Variants in RBFOX1 observed in about 807,000 individuals in gnomAD.
RBFOX1 encodes RNA binding protein fox-1 homolog 1.
Under a neutral mutation model 57.7 loss-of-function variants are expected in RBFOX1, and 8 were observed. The ratio of observed to expected loss-of-function variants is 0.14; its 90% CI spans 0.08 to 0.25. The LOEUF is 0.25. RBFOX1 is among the 10% of genes least tolerant of loss of function. RBFOX1 has a pLI of 1.00. For missense variants in RBFOX1, 611 were observed against 548.5 expected (o/e 1.11, Z -1.14); for synonymous variants, 326 against 222.4 (o/e 1.47, Z -4.15).
chr16:7,535,836 T>G (rs1216251523), intron 5 of RBFOX1, among the ~76,000 whole-genome samples: 1 of 152,238 alleles, frequency 6.6e-6, no homozygotes, highest in Non-Finnish European at 1.5e-5. Context: ...TTCATCACTT[T>G]TATTCTCAGT....
chr16:6,227,293 T>C (rs2097425252), intron 1 of RBFOX1, among the ~76,000 whole-genome samples: 1 of 151,994 alleles, frequency 6.6e-6, no homozygotes, highest in East Asian at 1.9e-4. Flanking sequence ...TAAAACGGAG[T>C]CTAAGAATTT....
At chr16:6,036,750 G>A (rs1276912179) in intron 1 of RBFOX1, among the ~76,000 whole-genome samples, 1 of 152,176 alleles carries the variant, frequency 6.6e-6, no homozygotes, top group Non-Finnish European at 1.5e-5. Flanking sequence ...GGAGGCACCA[G>A]TGAACTTCAA....
At chr16:6,269,560 A>G (rs575138825) in intron 1 of RBFOX1, among the ~76,000 whole-genome samples, 2 of 152,348 alleles carry the variant, frequency 1.3e-5, no homozygotes, top group African/African-American at 4.8e-5. Context: ...ATCAGAAGCC[A>G]CAGAGTCAAA....
In RBFOX1 at chr16:5,353,748, T is replaced by C. The variant is rs114545048; in HGVS notation, c.220-113468T>C. Among the ~76,000 whole-genome samples the C allele has an allele frequency of 5.7e-3, 803 of 140,174 alleles. 6 individuals are homozygous for C. The highest frequency in any genetic ancestry group is 0.019 in the African/African-American group (760 of 39,554). The allele number at this position is 140,174 out of a possible 152,430, so 92.0% of individuals were successfully genotyped here. Reference sequence around the variant, plus strand: ...GAGGAAAAAAAAAAAAACCTCGCCATGCCCTGTGAGACACTGCCGAGTGCT... The same window carrying C: ...GAGGAAAAAAAAAAAAACCTCGCCACGCCCTGTGAGACACTGCCGAGTGCT... On this transcript the variant is annotated intron_variant, in intron 1 of 2. Transcript: ENST00000585867.
chr16:5,906,554 G>A (rs911564558), intron 4 of RBFOX1, among the ~76,000 whole-genome samples: 1 of 152,004 alleles, frequency 6.6e-6, no homozygotes, highest in African/African-American at 2.4e-5. Context: ...CCTGTCTGCA[G>A]GACTTTATTA....
chr16:5,467,362 A>T, intron 2 of RBFOX1: 1 of 1,089,276 alleles, frequency 9.2e-7, no homozygotes, highest in East Asian at 2.6e-5. Flanking sequence ...CCCAGGGCAG[A>T]CATCTGTAAT....
At chr16:6,126,019 A>C (rs1306695902) in intron 1 of RBFOX1, among the ~76,000 whole-genome samples, 1 of 152,216 alleles carries the variant, frequency 6.6e-6, no homozygotes, top group Non-Finnish European at 1.5e-5. Context: ...TGTCTTATTA[A>C]CAACTTTAAC....
At chr16:5,816,317 G>A (rs73512585) in intron 3 of RBFOX1, among the ~76,000 whole-genome samples, 4,772 of 152,138 alleles carry the variant, frequency 0.031, 206 homozygotes, top group African/African-American at 0.1. Context: ...GCCAGTACCC[G>A]TCAATTACAA....
intron 1 of RBFOX1, among the ~76,000 whole-genome samples, chr16:6,309,288 A>C (rs929369867): frequency 1.3e-5 from 2 of 152,072 alleles, no homozygotes; most frequent in Non-Finnish European, 2.9e-5. Flanking sequence ...GTTCAAATGC[A>C]ATTTCTCTGA....
Position 5,799,377 on chromosome 16 carries a change from C to T in RBFOX1, c.319-67926C>T, listed in dbSNP as rs531600725. Among the ~76,000 whole-genome samples the T allele has an allele frequency of 3.9e-5, 6 of 152,176 alleles. No individual in the cohort carries two copies. The East Asian group carries it at 1.2e-3, about 29-fold the overall frequency. ...TATCAAGGGAGGTTTGTAAAAGCAA[C>T]CTCATTGGTCTGTGGAGAAGATGAC... On this transcript the variant is annotated intron_variant, in intron 3 of 19. Coordinates refer to the RBFOX1 transcript ENST00000641259.
At chr16:5,739,522 T>C (rs77526004) in intron 3 of RBFOX1, among the ~76,000 whole-genome samples, 1 of 152,228 alleles carries the variant, frequency 6.6e-6, no homozygotes, top group Non-Finnish European at 1.5e-5. Flanking sequence ...CATGGGGTCA[T>C]TTGCAAAATA....
At chr16:6,956,627 C>T (rs888318530) in intron 3 of RBFOX1, among the ~76,000 whole-genome samples, 1 of 152,214 alleles carries the variant, frequency 6.6e-6, no homozygotes, top group African/African-American at 2.4e-5. Flanking sequence ...AGCCCGTCTT[C>T]CCTTCTTGTG....
intron 3 of RBFOX1, among the ~76,000 whole-genome samples, chr16:6,720,152 C>T (rs1282085477): frequency 6.6e-6 from 1 of 151,832 alleles, no homozygotes; most frequent in Admixed American, 6.6e-5. Context: ...GCATGCTTAG[C>T]AAAATATCTG....
At chr16:5,713,828 T>C (rs1230156417) in intron 3 of RBFOX1, among the ~76,000 whole-genome samples, 1 of 152,162 alleles carries the variant, frequency 6.6e-6, no homozygotes, top group East Asian at 1.9e-4. Context: ...CTTGACCATG[T>C]AGACAGTGAA....
chr16:5,597,109 C>T (rs536875684), intron 2 of RBFOX1, among the ~76,000 whole-genome samples: 22 of 152,300 alleles, frequency 1.4e-4, no homozygotes, highest in Non-Finnish European at 2.6e-4. Context: ...GTGGGTGGGT[C>T]TGAGTAATTC....
At chr16:7,548,766 G>A (rs1291237537) in intron 5 of RBFOX1, among the ~76,000 whole-genome samples, 2 of 152,196 alleles carry the variant, frequency 1.3e-5, no homozygotes, top group Admixed American at 6.5e-5. Context: ...AGGCCGCCAT[G>A]TTTGCCTCTG....
At chr16:6,784,793 T>A (rs984275232) in intron 3 of RBFOX1, among the ~76,000 whole-genome samples, 1 of 152,150 alleles carries the variant, frequency 6.6e-6, no homozygotes, top group South Asian at 2.1e-4. Flanking sequence ...TGGAATTTTC[T>A]ATTTAGCCAT....
At chr16:6,788,622 C>T (rs1384668837) in intron 3 of RBFOX1, among the ~76,000 whole-genome samples, 1 of 151,884 alleles carries the variant, frequency 6.6e-6, no homozygotes, top group African/African-American at 2.4e-5. Context: ...ACTACAGGTG[C>T]CTACGACCAT....
At chr16:5,988,824 T>G (rs899623343) in intron 4 of RBFOX1, among the ~76,000 whole-genome samples, 1 of 152,078 alleles carries the variant, frequency 6.6e-6, no homozygotes, top group African/African-American at 2.4e-5. Flanking sequence ...TGCATAGTGA[T>G]AGTTAACCAA....
Sources: gnomAD v4.1 joint callset for allele counts (sites outside exome capture counted in the v4.1 genomes callset) on GRCh38, gnomAD v4.1.1 for gene constraint, MANE v1.5 for transcripts, NCBI Gene and HGNC (gene_info 2026-07-23, HGNC 2026-07-21) for gene names.